Variants in BCL7A observed in about 807,000 individuals in gnomAD.
The protein encoded by BCL7A is B-cell CLL/lymphoma 7 protein family member A.
In BCL7A, 11 loss-of-function variants were observed where a neutral mutation model predicts 28.4. The observed-to-expected ratio is 0.39, with a 90% CI of 0.24 to 0.64. The LOEUF (loss-of-function observed/expected upper bound fraction) is 0.64. Ranked by LOEUF, BCL7A falls within the 30% of genes least tolerant of loss-of-function variation. BCL7A has a pLI of 0.50. For missense variants in BCL7A, 222 were observed against 274.8 expected (o/e 0.81, Z 1.36); for synonymous variants, 123 against 103.3 (o/e 1.19, Z -1.15).
Position 122,022,035 on chromosome 12 carries a change from G to A in BCL7A, c.-57G>A. On this transcript the variant is annotated 5_prime_UTR_variant, in exon 1 of 6. Coordinates refer to ENST00000261822, the MANE Select transcript of BCL7A (RefSeq NM_001024808.3). ...GGCGGGCGCGAGTGTGGCCGCCGCG[G>A]AGCGCGAGCAGGACCCGGCGGGCGC... 2.7e-6 allele frequency: 4 copies of A among 1,470,668 alleles called. No individual in the cohort carries two copies. The highest frequency in any genetic ancestry group is 3.7e-6 in the Non-Finnish European group (4 of 1,093,708). The allele number at this position is 1,470,668 out of a possible 1,614,324, so 91.1% of individuals were successfully genotyped here. A position where few individuals can be genotyped will look rare whatever the true frequency, so the allele number is the denominator to read the frequency against.
chr12:122,039,559 A>G (rs916265102), intron 3 of BCL7A, among the ~76,000 whole-genome samples: 11 of 145,914 alleles, frequency 7.5e-5, no homozygotes, highest in Admixed American at 7.0e-4. Context: ...ATTATAGTAA[A>G]TATTTTATTT....
chr12:122,049,645 C>T (rs1455647974), intron 4 of BCL7A, among the ~76,000 whole-genome samples: 1 of 152,108 alleles, frequency 6.6e-6, no homozygotes, highest in Non-Finnish European at 1.5e-5. Flanking sequence ...TTCTCCATAT[C>T]AACTATAATA....
intron 3 of BCL7A, among the ~76,000 whole-genome samples, chr12:122,042,506 TCAGC>T (rs1460428627): frequency 1.3e-5 from 2 of 151,710 alleles, no homozygotes; most frequent in East Asian, 3.9e-4. Context: ...AATACAAAAC[TCAGC>T]CAGGTATGGT....
At chr12:122,036,133 G>T (rs1883846854) in intron 3 of BCL7A, among the ~76,000 whole-genome samples, 1 of 152,086 alleles carries the variant, frequency 6.6e-6, no homozygotes, top group Non-Finnish European at 1.5e-5. Context: ...GAACCACCGT[G>T]CCCGGCCTCC....
At chr12:122,023,184 G>A (rs1883513945) in intron 1 of BCL7A, among the ~76,000 whole-genome samples, 1 of 152,220 alleles carries the variant, frequency 6.6e-6, no homozygotes, top group African/African-American at 2.4e-5. Flanking sequence ...CGAGGCGCAA[G>A]CAGATCGCCA....
chr12:122,039,215 T>A (rs1883918510), intron 3 of BCL7A, among the ~76,000 whole-genome samples: 1 of 151,184 alleles, frequency 6.6e-6, no homozygotes, highest in African/African-American at 2.4e-5. Context: ...GAGAATGGCG[T>A]GAACCTGGGA....
rs577997862 is a variant in BCL7A, at chr12:122,029,756, G to T, written c.93-944G>T. Reference sequence around the variant, plus strand: ...TTCTGGGAGGCTCTCCTGAGCCTCAGTCCCCTCAGGGGTGTGGCTGCTGGG... The same window carrying T: ...TTCTGGGAGGCTCTCCTGAGCCTCATTCCCCTCAGGGGTGTGGCTGCTGGG... On this transcript the variant is annotated intron_variant, in intron 1 of 5. Transcript: ENST00000261822. This position sits in a 1 kb window ranked among gnomAD's most constrained non-coding sequence, Gnocchi z 4.3. 5.4e-4 allele frequency among the ~76,000 whole-genome samples: 83 copies of T among 152,296 alleles called. No individual in the cohort carries two copies. Among genetic ancestry groups the T allele is most frequent in the African/African-American group, 1.9e-3 (78 of 41,574 alleles).
At chr12:122,056,343 C>T (rs1363679429) in intron 5 of BCL7A, among the ~76,000 whole-genome samples, 2 of 151,960 alleles carry the variant, frequency 1.3e-5, no homozygotes, top group African/African-American at 4.8e-5. Flanking sequence ...ATTCTCACAT[C>T]GCCCCCACTA....
At chr12:122,040,544 A>C (rs1238833577) in intron 3 of BCL7A, among the ~76,000 whole-genome samples, 3 of 151,602 alleles carry the variant, frequency 2.0e-5, no homozygotes, top group Non-Finnish European at 4.4e-5. Context: ...AAAAAAAAAA[A>C]AAAAAACCAA....
chr12:122,046,086 C>G (rs571622974), intron 4 of BCL7A, among the ~76,000 whole-genome samples: 31 of 114,718 alleles, frequency 2.7e-4, no homozygotes, highest in Non-Finnish European at 5.4e-4. Flanking sequence ...AAAAAAAAGG[C>G]ATTCTCTTAC....
At chr12:122,026,727 G>T (rs1187098608) in intron 1 of BCL7A, among the ~76,000 whole-genome samples, 1 of 152,230 alleles carries the variant, frequency 6.6e-6, no homozygotes, top group African/African-American at 2.4e-5. Context: ...ACAGGGACTA[G>T]CCATGAGGAG....
In BCL7A at chr12:122,059,137, T is replaced by C; in HGVS notation, c.607T>C (p.Ser203Pro). The change falls in exon 6 of 6, where the codon TCT becomes CCT. Residue 203 changes from serine (S) to proline (P), a missense_variant. Coordinates refer to ENST00000261822, the MANE Select transcript of BCL7A (RefSeq NM_001024808.3). The surrounding 1 kb of genome is among the most constrained non-coding windows in gnomAD (Gnocchi z 4.0). ...CTCTAAAAAGATGAAACTGGAGGCC[T>C]CTCAACAAAACTCCGAAGAGATGTA... is the stretch of plus-strand genomic sequence containing the variant. ...PPSKKMKLEASQQNSEEM is the reference protein window; with the variant it reads ...PPSKKMKLEAPQQNSEEM The C allele has an allele frequency of 6.2e-7, 1 of 1,612,742 alleles. No homozygotes were observed. The highest frequency in any genetic ancestry group is 8.5e-7 in the Non-Finnish European group (1 of 1,178,726).
Position 122,022,181 on chromosome 12 carries a change from A to C in BCL7A, c.90A>C (p.Lys30Asn), listed in dbSNP as rs1883477833. 6.6e-7 allele frequency: 1 copy of C among 1,508,272 alleles called. No homozygotes were observed. The highest frequency in any genetic ancestry group is 8.9e-7 in the Non-Finnish European group (1 of 1,123,636). The allele number at this position is 1,508,272 out of a possible 1,614,324, so 93.4% of individuals were successfully genotyped here. A position where few individuals can be genotyped will look rare whatever the true frequency, so the allele number is the denominator to read the frequency against. ...TGGCGGCGATCGAGAAAGTGCGCAA[A>C]TGGTAAGCGGAGGCGCCCGCCGCCA... ...RVMAAIEKVR[K>N]WEKKWVTVGD... Residue 30 changes from lysine (K) to asparagine (N), a missense_variant and splice_region_variant, in exon 1 of 6, where the codon AAA becomes AAC. Coordinates refer to ENST00000261822, the MANE Select transcript of BCL7A (RefSeq NM_001024808.3).
chr12:122,024,435 T>G (rs1883565941), intron 1 of BCL7A, among the ~76,000 whole-genome samples: 1 of 150,986 alleles, frequency 6.6e-6, no homozygotes, highest in African/African-American at 2.4e-5. Flanking sequence ...AGGTGGACTT[T>G]GTAGAAACTT....
At position 122,059,504 on chromosome 12, in the gene BCL7A, G is replaced by A. The variant is rs1210847152; in HGVS notation, c.*341G>A. ...TCTCTATGTAACGATATAAGCTATC[G>A]GAGGGTGGTACCGATCAGGAACGCT... On this transcript the variant is annotated 3_prime_UTR_variant, in exon 6 of 6. Transcript: ENST00000261822. This position sits in a 1 kb window ranked among gnomAD's most constrained non-coding sequence, Gnocchi z 4.0. 8 of 292,222 alleles carry A rather than the reference G, an allele frequency of 2.7e-5. No individual in the cohort carries two copies. Among genetic ancestry groups the A allele is most frequent in the African/African-American group, 1.5e-4 (7 of 47,204 alleles). The allele number at this position is 292,222 out of a possible 1,614,324, so 18.1% of individuals were successfully genotyped here.
At chr12:122,056,569 G>T (rs1951879592) in intron 5 of BCL7A, among the ~76,000 whole-genome samples, 1 of 152,158 alleles carries the variant, frequency 6.6e-6, no homozygotes, top group Admixed American at 6.6e-5. Context: ...GGGAGGCTGA[G>T]GCAGGTGGAT....
chr12:122,060,986 C>A lies in BCL7A; in HGVS notation c.*1823C>A. 1 of 225,104 alleles carries A rather than the reference C, an allele frequency of 4.4e-6. No homozygotes were observed. The highest frequency in any genetic ancestry group is 5.7e-5 in the Admixed American group (1 of 17,488). The allele number at this position is 225,104 out of a possible 1,614,324, so 13.9% of individuals were successfully genotyped here. On this transcript the variant is annotated 3_prime_UTR_variant, in exon 6 of 6. Coordinates refer to ENST00000261822, the MANE Select transcript of BCL7A (RefSeq NM_001024808.3). ...TAAAAAAAAAAATCCTTGTACTTAT[C>A]AATTTTGCCCCTTAGGCAGTCAGTT...
intron 2 of BCL7A, 108 bp from the exon 3 acceptor site, chr12:122,035,223 G>A: frequency 4.9e-6 from 5 of 1,015,856 alleles, no homozygotes; most frequent in Non-Finnish European, 6.0e-6. Flanking sequence ...GGGGGCTCCA[G>A]GAGGCTTCAA....
intron 5 of BCL7A, among the ~76,000 whole-genome samples, chr12:122,055,509 C>T (rs934697699): frequency 1.3e-4 from 20 of 152,176 alleles, no homozygotes; most frequent in Admixed American, 3.3e-4. Context: ...TTAGGGCCAC[C>T]GTGAGGATTC....
Sources: gnomAD v4.1 joint callset for allele counts (sites outside exome capture counted in the v4.1 genomes callset) on GRCh38, gnomAD v4.1.1 for gene constraint, Gnocchi (gnomAD v3.1) non-coding constraint, MANE v1.5 for transcripts, NCBI Gene and HGNC (gene_info 2026-07-23, HGNC 2026-07-21) for gene names.